Variants in HCN3 observed in about 807,000 individuals in gnomAD.
HCN3 encodes the protein potassium/sodium hyperpolarization-activated cyclic nucleotide-gated channel 3.
Under a neutral mutation model 56.8 loss-of-function variants are expected in HCN3, and 36 were observed. The observed-to-expected ratio is 0.63, with a 90% CI of 0.49 to 0.84. The LOEUF (loss-of-function observed/expected upper bound fraction) is 0.84. Ranked by LOEUF, HCN3 falls within the 40% of genes least tolerant of loss-of-function variation. HCN3 has a pLI of 0.00. For missense variants in HCN3, 930 were observed against 1,079.3 expected, an observed-to-expected ratio of 0.86 and a Z score of 1.94; for synonymous variants, 425 against 439.7, an observed-to-expected ratio of 0.97 and a Z score of 0.42.
intron 1 of HCN3, 141 bp downstream of exon 1, chr1:155,278,009 C>G: frequency 9.2e-7 from 1 of 1,088,336 alleles, no homozygotes; most frequent in Non-Finnish European, 1.3e-6. Flanking sequence ...GAGTCACTTG[C>G]ACCAGTCTAG....
In HCN3 at chr1:155,287,336, C is replaced by T. The variant is rs776866836; in HGVS notation, c.1641C>T (p.Ile547=). The T allele has an allele frequency of 2.5e-5, 41 of 1,613,654 alleles. No homozygotes were observed. The highest frequency in any genetic ancestry group is 6.7e-5 in the Admixed American group (4 of 59,982). The change falls in exon 7 of 8, where the codon ATC becomes ATT. Residue 547 remains isoleucine (I), a splice_region_variant and synonymous_variant. Coordinates refer to ENST00000368358, the MANE Select transcript of HCN3 (RefSeq NM_020897.3). ...ETVAMDRLLR[I]GKKNSILQRK... ...TGGCCATGGATCGGCTGCTCCGCAT[C>T]GGTGAGACCTGTCCACCCCATCTGC...
Position 155,285,861 on chromosome 1 carries a change from G to A in HCN3, c.1374G>A (p.Glu458=), listed in dbSNP as rs1674263507. The A allele has an allele frequency of 1.2e-6, 2 of 1,614,106 alleles. No homozygotes were observed. Among genetic ancestry groups the A allele is most frequent in the South Asian group, 1.1e-5 (1 of 91,086 alleles). Residue 458 remains glutamate (E), a synonymous_variant, in exon 6 of 8, where the codon GAG becomes GAA. Coordinates refer to ENST00000368358, the MANE Select transcript of HCN3 (RefSeq NM_020897.3). The surrounding 1 kb of genome is among the most constrained non-coding windows in gnomAD (Gnocchi z 4.5). ...VFQPGDLVVR[E]GSVGRKMYFI... ...AGCCGGGGGATCTCGTGGTGCGTGA[G>A]GGCTCCGTGGGGAGGAAGATGTACT...
Position 155,284,142 on chromosome 1 carries a change from A to C in HCN3, c.870+7A>C. 6.2e-7 allele frequency: 1 copy of C among 1,613,514 alleles called. No individual in the cohort carries two copies. Among genetic ancestry groups the C allele is most frequent in the Non-Finnish European group, 8.5e-7 (1 of 1,179,490 alleles). ...CTCCATCAACCACATGGTGGTGAGA[A>C]GTCCCCACAGCTCTGCCTTTCCTGG... On this transcript the variant is annotated splice_region_variant and intron_variant, in intron 3 of 7. Transcript: ENST00000368358. The surrounding 1 kb of genome is among the most constrained non-coding windows in gnomAD (Gnocchi z 4.3).
chr1:155,285,445 T>TGGGAGGCCAGGTGGAGGCCCCGTGG lies in HCN3; in HGVS notation c.1236+137_1236+138insAGGCCAGGTGGAGGCCCCGTGGGGG. ...AGGGCCCCGTGGGAGGCCAGGTATT[T>TGGGAGGCCAGGTGGAGGCCCCGTGG]GGGCTTTCAGGGGCTAGGGTCTTTC... On this transcript the variant is annotated intron_variant, in intron 5 of 7. Coordinates refer to ENST00000368358, the MANE Select transcript of HCN3 (RefSeq NM_020897.3). This position sits in a 1 kb window ranked among gnomAD's most constrained non-coding sequence, Gnocchi z 4.5. The TGGGAGGCCAGGTGGAGGCCCCGTGG allele has an allele frequency of 8.0e-7, 1 of 1,244,156 alleles. No individual in the cohort carries two copies. The highest frequency in any genetic ancestry group is 1.1e-6 in the Non-Finnish European group (1 of 908,938). 77.1% of individuals were successfully genotyped at this position (1,244,156 alleles called of 1,614,324 possible). A position where few individuals can be genotyped will look rare whatever the true frequency, so the allele number is the denominator to read the frequency against.
intron 2 of HCN3, 126 bp from the exon 3 acceptor site, chr1:155,283,848 G>A: frequency 1.1e-6 from 1 of 928,426 alleles, no homozygotes; most frequent in Non-Finnish European, 1.6e-6. Flanking sequence ...AATAATAGTT[G>A]TATTTTTTAA....
Position 155,288,566 on chromosome 1 carries a change from T to C in HCN3, c.*103T>C. The C allele has an allele frequency of 7.0e-7, 1 of 1,421,434 alleles. No individual in the cohort carries two copies. The highest frequency in any genetic ancestry group is 1.4e-5 in the South Asian group (1 of 72,264). 88.1% of individuals were successfully genotyped at this position (1,421,434 alleles called of 1,614,324 possible). A position where few individuals can be genotyped will look rare whatever the true frequency, so the allele number is the denominator to read the frequency against. ...CATGGGGACCTGAAACATTGCCCCA[T>C]GGAAATGTCGACCCTGTGCGGACAT... is the stretch of plus-strand genomic sequence containing the variant. On this transcript the variant is annotated 3_prime_UTR_variant, in exon 8 of 8. Coordinates refer to ENST00000368358, the MANE Select transcript of HCN3 (RefSeq NM_020897.3). The surrounding 1 kb of genome is among the most constrained non-coding windows in gnomAD (Gnocchi z 6.5).
chr1:155,286,772 T>G (rs916002683), intron 6 of HCN3, among the ~76,000 whole-genome samples: 5 of 137,798 alleles, frequency 3.6e-5, no homozygotes, highest in African/African-American at 1.3e-4. Flanking sequence ...ACTGCTTTTC[T>G]CCTTCAGGGC....
In HCN3 at chr1:155,284,018, C is replaced by T; in HGVS notation, c.753C>T (p.Ile251=). ...TYDLASAVVR[I]FNLIGMMLLL... is the part of the protein sequence containing the mutation. ...ACCTGGCCAGTGCTGTGGTTCGCAT[C>T]TTCAACCTCATTGGGATGATGCTGC... is the stretch of plus-strand genomic sequence containing the variant. Residue 251 remains isoleucine, a synonymous_variant, in exon 3 of 8, where the codon ATC becomes ATT. Coordinates refer to ENST00000368358, the MANE Select transcript of HCN3 (RefSeq NM_020897.3). This position sits in a 1 kb window ranked among gnomAD's most constrained non-coding sequence, Gnocchi z 4.3. The T allele has an allele frequency of 6.2e-7, 1 of 1,614,156 alleles. No individual in the cohort carries two copies.
At position 155,287,974 on chromosome 1, in the gene HCN3, G is replaced by A. The variant is rs1342736101; in HGVS notation, c.1836G>A (p.Gln612=). ...LWEPLVHAPL[Q]AAAVTSNVAI... Reference sequence around the variant, plus strand: ...AGCCACTGGTACATGCGCCCCTTCAGGCAGCTGCTGTGACCTCCAATGTGG... The same window carrying A: ...AGCCACTGGTACATGCGCCCCTTCAAGCAGCTGCTGTGACCTCCAATGTGG... Residue 612 remains glutamine, a synonymous_variant, in exon 8 of 8, where the codon CAG becomes CAA. Transcript: ENST00000368358. 4 of 1,613,930 alleles carry A rather than the reference G, an allele frequency of 2.5e-6. No homozygotes were observed. The highest frequency in any genetic ancestry group is 3.4e-6 in the Non-Finnish European group (4 of 1,180,014).
Position 155,277,580 on chromosome 1 carries a change from G to C in HCN3, c.-11G>C. Reference sequence around the variant, plus strand: ...CTCTAGGAGGCCGAGCGTGTAAGCGGGGTGGGCGCCATGGAGGCAGAGCAG... The same window carrying C: ...CTCTAGGAGGCCGAGCGTGTAAGCGCGGTGGGCGCCATGGAGGCAGAGCAG... On this transcript the variant is annotated 5_prime_UTR_variant, in exon 1 of 8. Coordinates refer to ENST00000368358, the MANE Select transcript of HCN3 (RefSeq NM_020897.3). 2 of 1,558,110 alleles carry C rather than the reference G, an allele frequency of 1.3e-6. No homozygotes were observed. The highest frequency in any genetic ancestry group is 2.3e-5 in the East Asian group (1 of 42,794).
At chr1:155,281,007 G>A (rs1012314441) in intron 1 of HCN3, among the ~76,000 whole-genome samples, 2 of 151,352 alleles carry the variant, frequency 1.3e-5, no homozygotes, top group African/African-American at 4.9e-5. Flanking sequence ...GCCCACCTTG[G>A]CCTCTCAAAG....
chr1:155,283,469 A>G (rs1219777984), intron 2 of HCN3, among the ~76,000 whole-genome samples: 2 of 151,840 alleles, frequency 1.3e-5, no homozygotes, highest in Non-Finnish European at 2.9e-5. Context: ...GGTTAGTTAC[A>G]TATGTATACA....
chr1:155,279,123 C>T (rs547418778), intron 1 of HCN3, among the ~76,000 whole-genome samples: 3 of 152,252 alleles, frequency 2.0e-5, no homozygotes, highest in East Asian at 1.9e-4. Context: ...CCCAGAGGCC[C>T]GGACTTGAGG....
chr1:155,286,022 G>A, intron 6 of HCN3, 58 bp downstream of exon 6: 5 of 1,526,418 alleles, frequency 3.3e-6, no homozygotes, highest in Non-Finnish European at 3.5e-6. Context: ...GAGGGCAACT[G>A]CTCCCAGGCT....
Position 155,285,749 on chromosome 1 carries a change from G to T in HCN3, c.1262G>T (p.Gly421Val). ...REEIINFTCR[G>V]LVAHMPLFAH... ...GAGATCATTAACTTCACCTGTCGGGGCCTGGTGGCCCACATGCCGCTGTTT... is the reference window on the plus strand; with the variant it reads ...GAGATCATTAACTTCACCTGTCGGGTCCTGGTGGCCCACATGCCGCTGTTT... Residue 421 changes from glycine to valine, a missense_variant, in exon 6 of 8, where the codon GGC becomes GTC. By Grantham distance (109) the Gly-to-Val change is moderately radical. Transcript: ENST00000368358. This position sits in a 1 kb window ranked among gnomAD's most constrained non-coding sequence, Gnocchi z 4.5. The T allele has an allele frequency of 6.2e-7, 1 of 1,614,150 alleles. No homozygotes were observed. Among genetic ancestry groups the T allele is most frequent in the South Asian group, 1.1e-5 (1 of 91,084 alleles).
intron 1 of HCN3, among the ~76,000 whole-genome samples, chr1:155,278,069 G>T (rs1447797496): frequency 1.3e-5 from 2 of 152,154 alleles, no homozygotes; most frequent in Non-Finnish European, 2.9e-5. Flanking sequence ...TCCGTGCCTG[G>T]ACAGGCTGGG....
At chr1:155,278,817 G>C (rs1208358749) in intron 1 of HCN3, among the ~76,000 whole-genome samples, 1 of 152,064 alleles carries the variant, frequency 6.6e-6, no homozygotes. Flanking sequence ...CAGCCAGTGC[G>C]CCTTTTCTAG....
intron 1 of HCN3, among the ~76,000 whole-genome samples, chr1:155,281,069 ATTTT>A (rs1195938967): frequency 1.8e-5 from 2 of 112,486 alleles, no homozygotes. Flanking sequence ...CTAATTTTTA[ATTTT>A]TTTTTTTTTT....
intron 1 of HCN3, among the ~76,000 whole-genome samples, chr1:155,278,878 C>T (rs1673913605): frequency 2.6e-5 from 4 of 152,148 alleles, no homozygotes; most frequent in Admixed American, 2.6e-4. Context: ...GACGGATCCC[C>T]AGAAGCCTGG....
Sources: allele counts gnomAD v4.1 joint callset (sites outside exome capture counted in the v4.1 genomes callset), GRCh38; gene constraint gnomAD v4.1.1; non-coding constraint Gnocchi (gnomAD v3.1); transcripts MANE v1.5; gene names NCBI Gene and HGNC (gene_info 2026-07-23, HGNC 2026-07-21).